PCDHGB5: variants seen among roughly 807,000 people sequenced by gnomAD.
PCDHGB5 encodes protocadherin gamma-B5.
In PCDHGB5, 48 loss-of-function variants were observed where a neutral mutation model predicts 62.9. That is an observed-to-expected ratio of 0.76 (90% CI 0.61 to 0.97). The LOEUF is 0.97. PCDHGB5 is among the 50% of genes least tolerant of loss of function. PCDHGB5 has a pLI of 0.00. For synonymous variants in PCDHGB5, 474 were observed against 511.2 expected (o/e 0.93, Z 0.98); for missense variants, 1,118 against 1,198.6 (o/e 0.93, Z 0.99).
At chr5:141,480,033 C>T (rs370321166) in intron 1 of PCDHGB5, among the ~76,000 whole-genome samples, 1 of 152,106 alleles carries the variant, frequency 6.6e-6, no homozygotes, top group African/African-American at 2.4e-5. Flanking sequence ...AAGCCTCTTC[C>T]TCATATGCAA....
At chr5:141,455,903 ATTTATTT>A (rs2098836354) in intron 1 of PCDHGB5, among the ~76,000 whole-genome samples, 1 of 145,228 alleles carries the variant, frequency 6.9e-6, no homozygotes, top group African/African-American at 2.7e-5. Context: ...TTATTTATTT[ATTTATTT>A]ATTTTGAGAC....
intron 1 of PCDHGB5, chr5:141,427,265 C>A (rs767369457): frequency 6.6e-6 from 3 of 456,572 alleles, no homozygotes; most frequent in Non-Finnish European, 8.8e-6. Context: ...GCATGACCAG[C>A]GAATGTAAAA....
chr5:141,455,795 C>T (rs1251703490), intron 1 of PCDHGB5, among the ~76,000 whole-genome samples: 1 of 151,960 alleles, frequency 6.6e-6, no homozygotes, highest in African/African-American at 2.4e-5. Flanking sequence ...TCCGGAGATG[C>T]TTTAAAAAAT....
intron 1 of PCDHGB5, among the ~76,000 whole-genome samples, chr5:141,475,629 C>T (rs77593456): frequency 0.054 from 8,157 of 152,234 alleles, 446 homozygotes; most frequent in African/African-American, 0.15. Flanking sequence ...TGGTTCGATC[C>T]CCTTTCTTGT....
rs375127524 is a variant in PCDHGB5, at chr5:141,490,702, C to G, written c.2398-4105C>G. ...AGATCCAGACACTGGGGATAATGCCCGCCTCACCTACTCCATTGTAGGAAA... is the reference window on the plus strand; with the variant it reads ...AGATCCAGACACTGGGGATAATGCCGGCCTCACCTACTCCATTGTAGGAAA... On this transcript the variant is annotated intron_variant, in intron 1 of 3. Coordinates refer to ENST00000617380, the MANE Select transcript of PCDHGB5 (RefSeq NM_018925.3). This position sits in a 1 kb window ranked among gnomAD's most constrained non-coding sequence, Gnocchi z 5.4. The G allele has an allele frequency of 1.2e-6, 2 of 1,614,060 alleles. No homozygotes were observed. Among genetic ancestry groups the G allele is most frequent in the Admixed American group, 1.7e-5 (1 of 60,008 alleles).
chr5:141,483,303 T>A (rs1222660132), intron 1 of PCDHGB5, among the ~76,000 whole-genome samples: 1 of 152,146 alleles, frequency 6.6e-6, no homozygotes, highest in Non-Finnish European at 1.5e-5. Context: ...GTGAAGGGAC[T>A]GGGGACATTG....
At chr5:141,478,963 A>G (rs193236728) in intron 1 of PCDHGB5, among the ~76,000 whole-genome samples, 5 of 152,322 alleles carry the variant, frequency 3.3e-5, no homozygotes, top group East Asian at 1.9e-4. Context: ...TCATTCCTCC[A>G]CCTTTCAAGT....
chr5:141,490,142 C>T lies in PCDHGB5; in HGVS notation c.2398-4665C>T. On this transcript the variant is annotated intron_variant, in intron 1 of 3. Transcript: ENST00000617380. This position sits in a 1 kb window ranked among gnomAD's most constrained non-coding sequence, Gnocchi z 5.4. ...TTTGGCCTAGACCCTAGCAGTGGGG[C>T]AATCCATGTGTTGGGTCCCATAGAC... 2 of 1,614,220 alleles carry T rather than the reference C, an allele frequency of 1.2e-6. No individual in the cohort carries two copies. Among genetic ancestry groups the T allele is most frequent in the South Asian group, 1.1e-5 (1 of 91,088 alleles).
intron 1 of PCDHGB5, chr5:141,478,198 A>G (rs1393603398): frequency 6.2e-7 from 1 of 1,613,864 alleles, no homozygotes; most frequent in East Asian, 2.2e-5. Flanking sequence ...CCTTTTATCT[A>G]CTTCTTTCTC....
intron 1 of PCDHGB5, among the ~76,000 whole-genome samples, chr5:141,447,688 G>A (rs188511217): frequency 1.4e-4 from 22 of 152,258 alleles, no homozygotes; most frequent in African/African-American, 4.3e-4. Context: ...TATCTTGATA[G>A]AGGGATGGGT....
At chr5:141,413,357 G>A (rs2095629700) in intron 1 of PCDHGB5, 2 of 1,613,874 alleles carry the variant, frequency 1.2e-6, no homozygotes, top group South Asian at 1.1e-5. Flanking sequence ...CTGGCGCCCC[G>A]GGAGCTGGCG....
At chr5:141,423,346 G>T in intron 1 of PCDHGB5, 1 of 1,614,214 alleles carries the variant, frequency 6.2e-7, no homozygotes, top group South Asian at 1.1e-5. Context: ...CATCTTCCTG[G>T]TCTTTGTCAT....
In PCDHGB5 at chr5:141,399,886, G is replaced by T; in HGVS notation, c.1759G>T (p.Val587Leu). ...AAEPGYLVTK[V>L]VAVDADSGHN... is the part of the protein sequence containing the mutation. ...AGAGCCCGGCTACCTGGTGACCAAGGTAGTGGCCGTGGACGCAGACTCAGG... is the reference window on the plus strand; with the variant it reads ...AGAGCCCGGCTACCTGGTGACCAAGTTAGTGGCCGTGGACGCAGACTCAGG... Residue 587 changes from valine to leucine, a missense_variant, in exon 1 of 4, where the codon GTA (valine) becomes TTA (leucine). Transcript: ENST00000617380. The T allele has an allele frequency of 6.2e-7, 1 of 1,612,706 alleles. No homozygotes were observed. The highest frequency in any genetic ancestry group is 8.5e-7 in the Non-Finnish European group (1 of 1,179,794).
At chr5:141,409,734 G>A in intron 1 of PCDHGB5, 1 of 1,613,144 alleles carries the variant, frequency 6.2e-7, no homozygotes, top group East Asian at 2.2e-5. Flanking sequence ...AGCGCGCAGA[G>A]CGGGGTGGTG....
chr5:141,501,288 T>TATACACATAC (rs201660636), intron 2 of PCDHGB5, among the ~76,000 whole-genome samples: 2 of 81,228 alleles, frequency 2.5e-5, no homozygotes, highest in African/African-American at 9.9e-5. Flanking sequence ...GATATTCCCT[T>TATACACATAC]ATACACACAC....
intron 1 of PCDHGB5, among the ~76,000 whole-genome samples, chr5:141,446,719 G>C (rs899985752): frequency 2.6e-5 from 4 of 152,056 alleles, no homozygotes; most frequent in Admixed American, 1.3e-4. Flanking sequence ...TGCCCGCCTC[G>C]GCCTCCCAAA....
chr5:141,409,405 C>G, intron 1 of PCDHGB5: 1 of 1,614,050 alleles, frequency 6.2e-7, no homozygotes, highest in Non-Finnish European at 8.5e-7. Flanking sequence ...CCAATAACTA[C>G]TACAAACTGG....
In PCDHGB5 at chr5:141,432,866, G is replaced by A; in HGVS notation, c.2397+32342G>A. The A allele has an allele frequency of 6.2e-7, 1 of 1,614,152 alleles. No individual in the cohort carries two copies. The highest frequency in any genetic ancestry group is 8.5e-7 in the Non-Finnish European group (1 of 1,180,008). On this transcript the variant is annotated intron_variant, in intron 1 of 3. Transcript: ENST00000617380. This position sits in a 1 kb window ranked among gnomAD's most constrained non-coding sequence, Gnocchi z 6.0. ...GGTAGCGGTGGCCGCGGTCTCCTGC[G>A]TCTTCCTGGCCTTCGTCATCTTGCT...
chr5:141,431,325 G>A lies in PCDHGB5; in HGVS notation c.2397+30801G>A. On this transcript the variant is annotated intron_variant, in intron 1 of 3. Transcript: ENST00000617380. The surrounding 1 kb of genome is among the most constrained non-coding windows in gnomAD (Gnocchi z 4.8). ...ATCGTGCAAAATGGAGCCGACGGTA[G>A]TAAGTACCCCGAATTGGTGCTGAAA... is the stretch of plus-strand genomic sequence containing the variant. 6.2e-7 allele frequency: 1 copy of A among 1,614,144 alleles called. No homozygotes were observed. The highest frequency in any genetic ancestry group is 8.5e-7 in the Non-Finnish European group (1 of 1,180,052).
Sources: gnomAD v4.1 joint callset for allele counts (sites outside exome capture counted in the v4.1 genomes callset) on GRCh38, gnomAD v4.1.1 for gene constraint, Gnocchi (gnomAD v3.1) non-coding constraint, MANE v1.5 for transcripts, NCBI Gene and HGNC (gene_info 2026-07-23, HGNC 2026-07-21) for gene names.